MFSD6: variants seen among roughly 807,000 people sequenced by gnomAD.
MFSD6 encodes the protein major facilitator superfamily domain containing 6.
A neutral mutation model predicts 56.3 loss-of-function variants in MFSD6; 26 were observed. That is an observed-to-expected ratio of 0.46 (90% confidence interval 0.34 to 0.64). MFSD6 has a LOEUF of 0.64. MFSD6 is among the 30% of genes least tolerant of loss of function. The pLI is 0.01. For missense variants in MFSD6, 750 were observed against 986.2 expected (o/e 0.76, Z 3.21); for synonymous variants, 331 against 366.9 (o/e 0.90, Z 1.12).
chr2:190,469,013 T>C lies in MFSD6; in HGVS notation c.1533-745T>C, dbSNP rs990300047. On this transcript the variant is annotated intron_variant, in intron 3 of 7. Transcript: ENST00000392328. The surrounding 1 kb of genome is among the most constrained non-coding windows in gnomAD (Gnocchi z 5.3). ...TTCAGAACGAGAGACTGAAACCTTA[T>C]GCTTGGGTGCACCACTTCAGGCCTT... 2.0e-5 allele frequency among the ~76,000 whole-genome samples: 3 copies of C among 152,162 alleles called. No individual in the cohort carries two copies. The highest frequency in any genetic ancestry group is 7.2e-5 in the African/African-American group (3 of 41,444).
At position 190,451,623 on chromosome 2, in the gene MFSD6, G is replaced by A. The variant is rs1686777379; in HGVS notation, c.1532+14062G>A. Among the ~76,000 whole-genome samples the A allele has an allele frequency of 6.6e-6, 1 of 152,214 alleles. No homozygotes were observed. The highest frequency in any genetic ancestry group is 2.1e-4 in the South Asian group (1 of 4,836). On this transcript the variant is annotated intron_variant, in intron 3 of 7. Coordinates refer to ENST00000392328, the MANE Select transcript of MFSD6 (RefSeq NM_017694.4). The surrounding 1 kb of genome is among the most constrained non-coding windows in gnomAD (Gnocchi z 5.0). ...TAAGAGTGACTGAGGAGAAGCAATT[G>A]TTTCAGCTCGGTTAGGCTGGGAGAC...
At chr2:190,414,152 A>T in intron 1 of MFSD6, among the ~76,000 whole-genome samples, 1 of 152,090 alleles carries the variant, frequency 6.6e-6, no homozygotes, top group Non-Finnish European at 1.5e-5. Context: ...GAGCATCAGG[A>T]TAAATAACTA....
rs4264585 is a variant in MFSD6 at position 190,469,305 on chromosome 2, G to C, written c.1533-453G>C. ...GGGTATTATGAGCAAGGCCACATTC[G>C]TGTTTACATATTCTCATTTTTATCC... On this transcript the variant is annotated intron_variant, in intron 3 of 7. Transcript: ENST00000392328. This position sits in a 1 kb window ranked among gnomAD's most constrained non-coding sequence, Gnocchi z 5.3. Among the ~76,000 whole-genome samples, 45,365 of 151,936 alleles carry C rather than the reference G, an allele frequency of 0.3. 7,511 individuals are homozygous for C. Among genetic ancestry groups the C allele is most frequent in the East Asian group, 0.46 (2,390 of 5,172 alleles).
At chr2:190,414,588 G>A (rs1167477888) in intron 1 of MFSD6, among the ~76,000 whole-genome samples, 1 of 151,938 alleles carries the variant, frequency 6.6e-6, no homozygotes, top group Admixed American at 6.5e-5. Context: ...TTTCAATTCC[G>A]TATACTGGGA....
At chr2:190,429,251 T>A (rs1398263607) in intron 2 of MFSD6, among the ~76,000 whole-genome samples, 1 of 152,058 alleles carries the variant, frequency 6.6e-6, no homozygotes, top group Non-Finnish European at 1.5e-5. Flanking sequence ...TGTGTGTGTA[T>A]ACATATATCA....
rs1015317197 is a variant in MFSD6 at position 190,451,878 on chromosome 2, T to C, written c.1532+14317T>C. Reference sequence around the variant, plus strand: ...GTGATATAACTGATTTCTGCTTTTATGTTTTTTGAAGGCAATTGCTTGGGC... The same window carrying C: ...GTGATATAACTGATTTCTGCTTTTACGTTTTTTGAAGGCAATTGCTTGGGC... On this transcript the variant is annotated intron_variant, in intron 3 of 7. Transcript: ENST00000392328. The surrounding 1 kb of genome is among the most constrained non-coding windows in gnomAD (Gnocchi z 5.0). 6.6e-6 allele frequency among the ~76,000 whole-genome samples: 1 copy of C among 152,266 alleles called. No homozygotes were observed. Among genetic ancestry groups the C allele is most frequent in the Admixed American group, 6.5e-5 (1 of 15,288 alleles).
At position 190,431,193 on chromosome 2, in the gene MFSD6, C is replaced by T. The variant is rs1325746508; in HGVS notation, c.-53-4784C>T. 6.6e-5 allele frequency among the ~76,000 whole-genome samples: 10 copies of T among 150,594 alleles called. No individual in the cohort carries two copies. The highest frequency in any genetic ancestry group is 1.0e-4 in the Non-Finnish European group (7 of 67,732). The stretch of plus-strand genomic sequence containing the variant: ...CTCACTTCCCAGATGGGATGGTGGC[C>T]GGGAAGAGGCGCTCCTCACTTCCCA... On this transcript the variant is annotated intron_variant, in intron 2 of 7. Coordinates refer to ENST00000392328, the MANE Select transcript of MFSD6 (RefSeq NM_017694.4). This position sits in a 1 kb window ranked among gnomAD's most constrained non-coding sequence, Gnocchi z 4.4.
intron 3 of MFSD6, among the ~76,000 whole-genome samples, chr2:190,446,521 A>T (rs1264687622): frequency 6.6e-6 from 1 of 152,232 alleles, no homozygotes; most frequent in African/African-American, 2.4e-5. Flanking sequence ...AATCTGCCTA[A>T]TAACTCACTG....
Position 190,497,516 on chromosome 2 carries a change from C to G in MFSD6, c.1969C>G (p.Gln657Glu). ...PIATIDLVQQ[Q>E]TEDVMPRIEP... The stretch of plus-strand genomic sequence containing the variant: ...AGCAACCATCGACTTGGTACAGCAA[C>G]AGACAGAAGATGTCATGCCACGCAT... Residue 657 changes from glutamine to glutamate, a missense_variant, in exon 7 of 8, where the codon CAG becomes GAG. This residue lies in a region of MFSD6 where 172 missense variants were observed against 203.9 expected (regional missense o/e 0.84). Transcript: ENST00000392328. The surrounding 1 kb of genome is among the most constrained non-coding windows in gnomAD (Gnocchi z 5.2). 1 of 1,614,204 alleles carries G rather than the reference C, an allele frequency of 6.2e-7. No homozygotes were observed. The highest frequency in any genetic ancestry group is 1.7e-5 in the Admixed American group (1 of 60,028).
At chr2:190,486,648 G>A (rs533950069) in intron 4 of MFSD6, among the ~76,000 whole-genome samples, 1 of 152,332 alleles carries the variant, frequency 6.6e-6, no homozygotes, top group East Asian at 1.9e-4. Context: ...CTTGAGGAAG[G>A]AGAATAAATT....
At chr2:190,445,229 C>T (rs569636427) in intron 3 of MFSD6, among the ~76,000 whole-genome samples, 1 of 152,180 alleles carries the variant, frequency 6.6e-6, no homozygotes, top group East Asian at 1.9e-4. Flanking sequence ...GCAAAGCACT[C>T]AGAATGGAGT....
rs1322779233 is a variant in MFSD6, at chr2:190,412,291, G to A, written c.-175-3001G>A. 5 of 983,480 alleles carry A rather than the reference G, an allele frequency of 5.1e-6. No homozygotes were observed. The highest frequency in any genetic ancestry group is 6.0e-6 in the Non-Finnish European group (5 of 828,322). 60.9% of individuals were successfully genotyped at this position (983,480 alleles called of 1,614,324 possible). A position where few individuals can be genotyped will look rare whatever the true frequency, so the allele number is the denominator to read the frequency against. ...TATCATTGTGGTAGTAGGTAATCTT[G>A]AGAAAGAGGGAATTGTAAAAGTATT... On this transcript the variant is annotated intron_variant, in intron 1 of 7. Coordinates refer to ENST00000392328, the MANE Select transcript of MFSD6 (RefSeq NM_017694.4). This position sits in a 1 kb window ranked among gnomAD's most constrained non-coding sequence, Gnocchi z 4.1.
rs867543838 is a variant in MFSD6, at chr2:190,471,470, C to T, written c.1630+1615C>T. 1.5e-4 allele frequency among the ~76,000 whole-genome samples: 23 copies of T among 152,338 alleles called. No homozygotes were observed. The highest frequency in any genetic ancestry group is 2.4e-4 in the Non-Finnish European group (16 of 68,024). ...CCCGCACCTGGCTTGGAGGGTCCTA[C>T]GCCCACGGAGCCTCCCTCATTGCTA... On this transcript the variant is annotated intron_variant, in intron 4 of 7. Coordinates refer to ENST00000392328, the MANE Select transcript of MFSD6 (RefSeq NM_017694.4). The surrounding 1 kb of genome is among the most constrained non-coding windows in gnomAD (Gnocchi z 4.7).
chr2:190,411,349 G>A (rs1425761659), intron 1 of MFSD6: 1 of 464,014 alleles, frequency 2.2e-6, no homozygotes, highest in Non-Finnish European at 2.8e-6. Flanking sequence ...TAGTAGAGAC[G>A]GGGTTTCATC....
chr2:190,409,449 G>C (rs1690462168), intron 1 of MFSD6, among the ~76,000 whole-genome samples: 1 of 152,098 alleles, frequency 6.6e-6, no homozygotes, highest in African/African-American at 2.4e-5. Context: ...TAAAGAGTTG[G>C]GGTTCTAATC....
chr2:190,432,315 A>C (rs774703948), intron 2 of MFSD6, among the ~76,000 whole-genome samples: 40 of 152,272 alleles, frequency 2.6e-4, no homozygotes, highest in Admixed American at 1.0e-3. Context: ...GCCAAGGCTC[A>C]GAATCCAGGA....
intron 4 of MFSD6, among the ~76,000 whole-genome samples, chr2:190,474,376 A>C (rs1327870009): frequency 6.6e-6 from 1 of 152,232 alleles, no homozygotes; most frequent in African/African-American, 2.4e-5. Flanking sequence ...AAAAATGATA[A>C]AGGGGATATC....
chr2:190,427,825 G>A (rs1242109831), intron 2 of MFSD6, among the ~76,000 whole-genome samples: 1 of 151,954 alleles, frequency 6.6e-6, no homozygotes, highest in African/African-American at 2.4e-5. Flanking sequence ...CCCACCTCCT[G>A]GGTTCAAGCG....
In MFSD6 at chr2:190,439,837, A is replaced by T. The variant is rs1686308201; in HGVS notation, c.1532+2276A>T. On this transcript the variant is annotated intron_variant, in intron 3 of 7. Coordinates refer to ENST00000392328, the MANE Select transcript of MFSD6 (RefSeq NM_017694.4). The surrounding 1 kb of genome is among the most constrained non-coding windows in gnomAD (Gnocchi z 5.8). The stretch of plus-strand genomic sequence containing the variant: ...TGTATTAATTATTTCAAGTGCTTTT[A>T]AAAGAGTCTGATAGCTAAAATGAGA... 6.6e-6 allele frequency among the ~76,000 whole-genome samples: 1 copy of T among 152,242 alleles called. No individual in the cohort carries two copies. The highest frequency in any genetic ancestry group is 1.5e-5 in the Non-Finnish European group (1 of 68,044).
Sources: gnomAD v4.1 joint callset for allele counts (sites outside exome capture counted in the v4.1 genomes callset) on GRCh38, gnomAD v4.1.1 for gene constraint, gnomAD v4.1.1 regional missense constraint, Gnocchi (gnomAD v3.1) non-coding constraint, MANE v1.5 for transcripts, NCBI Gene and HGNC (gene_info 2026-07-23, HGNC 2026-07-21) for gene names.